The following ERBB2 variants were observed in gnomAD, a reference collection of about 807,000 sequenced individuals.
The protein encoded by ERBB2 is receptor tyrosine-protein kinase erbB-2.
ERBB2 carries 61 observed loss-of-function variants against 149.0 expected under a neutral mutation model. That is an observed-to-expected ratio of 0.41 (90% CI 0.33 to 0.51). The LOEUF (loss-of-function observed/expected upper bound fraction) is 0.51, where lower values mean the gene tolerates loss of function less well. ERBB2 is among the 20% of genes least tolerant of loss of function. The probability of loss-of-function intolerance (pLI) is 0.25; values close to 1 mark genes in which losing one functional copy is unlikely to be tolerated. For synonymous variants in ERBB2, 633 were observed against 678.8 expected (o/e 0.93, Z 1.05); for missense variants, 1,205 against 1,655.1 (o/e 0.73, Z 4.72).
chr17:39,710,119 G>T lies in ERBB2; in HGVS notation c.677G>T (p.Arg226Leu). 1 of 1,610,004 alleles carries T rather than the reference G, an allele frequency of 6.2e-7. No individual in the cohort carries two copies. The change falls in exon 6 of 27, where the codon CGC becomes CTC. Residue 226 changes from arginine to leucine, a missense_variant. By Grantham distance (102) the Arg-to-Leu change is moderately radical. Around this residue, in one of 6 missense-constraint regions of ERBB2, gnomAD observed 569 missense variants for 803.5 expected, o/e 0.71. Transcript: ENST00000269571. ...TRTVCAGGCA[R>L]CKGPLPTDCC... ...ACTGTCTGTGCCGGTGGCTGTGCCC[G>T]CTGCAAGGGGCCACTGCCCACTGAC...
rs2143078407 is a variant in ERBB2, at chr17:39,725,849, C to T, written c.2868C>T (p.Val956=). The change falls in exon 23 of 27, where the codon GTC becomes GTT. Residue 956 remains valine (V), a synonymous_variant. Coordinates refer to ENST00000269571, the MANE Select transcript of ERBB2 (RefSeq NM_004448.4). This position sits in a 1 kb window ranked among gnomAD's most constrained non-coding sequence, Gnocchi z 4.6. Reference sequence around the variant, plus strand: ...CCATTGATGTCTACATGATCATGGTCAAATGTGCGTGGCTGAGCTGTGCTG... The same window carrying T: ...CCATTGATGTCTACATGATCATGGTTAAATGTGCGTGGCTGAGCTGTGCTG... ...ICTIDVYMIM[V]KCWMIDSECR... is the part of the protein sequence containing the mutation. 6.2e-7 allele frequency: 1 copy of T among 1,613,508 alleles called. No homozygotes were observed. Among genetic ancestry groups the T allele is most frequent in the South Asian group, 1.1e-5 (1 of 90,914 alleles).
rs749371173 is a variant in ERBB2 at position 39,728,543 on chromosome 17, T to G, written c.*499T>G. 54 of 234,474 alleles carry G rather than the reference T, an allele frequency of 2.3e-4. No homozygotes were observed. Among genetic ancestry groups the G allele is most frequent in the Non-Finnish European group, 3.8e-4 (45 of 118,944 alleles). The allele number at this position is 234,474 out of a possible 1,614,324, so 14.5% of individuals were successfully genotyped here. On this transcript the variant is annotated 3_prime_UTR_variant, in exon 27 of 27. Coordinates refer to ENST00000269571, the MANE Select transcript of ERBB2 (RefSeq NM_004448.4). ...TTAGTTTTTACTTTTTTTGTTTTGT[T>G]TTTTTAAAGATGAAATAAAGACCCA... is the stretch of plus-strand genomic sequence containing the variant.
chr17:39,720,754 C>T (rs1287413020), intron 16 of ERBB2, among the ~76,000 whole-genome samples: 2 of 151,964 alleles, frequency 1.3e-5, no homozygotes, highest in Non-Finnish European at 2.9e-5. Flanking sequence ...GGTTCAAGCG[C>T]TTCTTGTGCC....
upstream of ERBB2, among the ~76,000 whole-genome samples, chr17:39,698,164 A>G (rs1017714600): frequency 1.3e-5 from 2 of 152,098 alleles, no homozygotes; most frequent in Non-Finnish European, 2.9e-5. Context: ...ACCCCAGCAT[A>G]GTATGTCAGA....
At chr17:39,714,249 A>G (rs2058987414) in intron 9 of ERBB2, among the ~76,000 whole-genome samples, 1 of 152,024 alleles carries the variant, frequency 6.6e-6, no homozygotes, top group Non-Finnish European at 1.5e-5. Flanking sequence ...ACATATAGGG[A>G]GCACTGTCTG....
chr17:39,703,968 A>C (rs1156502381), intron 1 of ERBB2, among the ~76,000 whole-genome samples: 1 of 152,184 alleles, frequency 6.6e-6, no homozygotes, highest in Non-Finnish European at 1.5e-5. Flanking sequence ...GAGAGAACCC[A>C]CCTGAGAGAA....
At chr17:39,690,267 G>T (rs1462459384), upstream of ERBB2, among the ~76,000 whole-genome samples, 1 of 151,902 alleles carries the variant, frequency 6.6e-6, no homozygotes, top group Admixed American at 6.6e-5. Flanking sequence ...TTAATTTTTT[G>T]TAGAGACACG....
chr17:39,722,639 A>C (rs777837353), intron 16 of ERBB2, among the ~76,000 whole-genome samples: 10 of 152,270 alleles, frequency 6.6e-5, no homozygotes, highest in South Asian at 2.1e-4. Flanking sequence ...AGGTGTCTTA[A>C]ATGCATTTTC....
At chr17:39,717,208 A>G in intron 14 of ERBB2, 112 bp from the exon 15 acceptor site, 1 of 854,550 alleles carries the variant, frequency 1.2e-6, no homozygotes, top group Non-Finnish European at 1.7e-6. Context: ...CATGGCGAAA[A>G]TTGCTGCTGG....
upstream of ERBB2, among the ~76,000 whole-genome samples, chr17:39,693,800 A>G (rs1409411523): frequency 6.8e-6 from 1 of 148,004 alleles, no homozygotes; most frequent in African/African-American, 2.5e-5. Context: ...AATAATAATA[A>G]TAATAGGGCT....
At chr17:39,698,051 A>G (rs2057907053), upstream of ERBB2, among the ~76,000 whole-genome samples, 1 of 152,150 alleles carries the variant, frequency 6.6e-6, no homozygotes, top group Non-Finnish European at 1.5e-5. Flanking sequence ...AGGCCCCACA[A>G]AACCTAGATC....
Position 39,726,266 on chromosome 17 carries a change from A to C in ERBB2, c.2873-296A>C. 1 of 460,680 alleles carries C rather than the reference A, an allele frequency of 2.2e-6. No individual in the cohort carries two copies. Among genetic ancestry groups the C allele is most frequent in the Non-Finnish European group, 3.9e-6 (1 of 254,092 alleles). The allele number at this position is 460,680 out of a possible 1,614,324, so 28.5% of individuals were successfully genotyped here. On this transcript the variant is annotated intron_variant, in intron 23 of 26. Coordinates refer to ENST00000269571, the MANE Select transcript of ERBB2 (RefSeq NM_004448.4). This position sits in a 1 kb window ranked among gnomAD's most constrained non-coding sequence, Gnocchi z 5.1. ...CAGGAAGATCACTTGAGCCTAGTTT[A>C]AGGTTGCAGTAAGCTATGATTGCAC...
At chr17:39,698,338 C>A (rs139346565), upstream of ERBB2, among the ~76,000 whole-genome samples, 1,249 of 151,770 alleles carry the variant, frequency 8.2e-3, 9 homozygotes, top group African/African-American at 0.026. Flanking sequence ...CAGCTCACTG[C>A]AAGCTCTGCC....
At chr17:39,707,354 T>TC (rs1555614062) in intron 2 of ERBB2, 1 of 433,614 alleles carries the variant, frequency 2.3e-6, no homozygotes, top group Non-Finnish European at 4.0e-6. Context: ...AGGTCATGTC[T>TC]GGATGGGATG....
chr17:39,694,226 A>AATAT (rs1417710622), upstream of ERBB2, among the ~76,000 whole-genome samples: 214 of 18,460 alleles, frequency 0.012, 2 homozygotes, highest in Middle Eastern at 0.062. Flanking sequence ...AAAAAAAAAA[A>AATAT]ATATATATAT....
chr17:39,716,664 G>C (rs911410272), intron 14 of ERBB2, 59 bp downstream of exon 14: 2 of 1,464,798 alleles, frequency 1.4e-6, no homozygotes, highest in African/African-American at 2.8e-5. Flanking sequence ...GATTGCCAGG[G>C]ACTTGGCAGG....
At chr17:39,697,338 GTTGTTTTTTTGTT>G (rs1402296966), upstream of ERBB2, among the ~76,000 whole-genome samples, 42 of 148,666 alleles carry the variant, frequency 2.8e-4, no homozygotes, top group Non-Finnish European at 5.0e-4. Context: ...ATGTGCTAGG[GTTGTTTTTTTGTT>G]TTGTTTTTTT....
At chr17:39,724,938 T>A (rs1427546750) in intron 20 of ERBB2, 27 bp downstream of exon 20, 1 of 1,610,194 alleles carries the variant, frequency 6.2e-7, no homozygotes, top group Non-Finnish European at 8.5e-7. Context: ...TTTGCAGGTC[T>A]CTCCGGAGCA....
chr17:39,709,416 GCT>G lies in ERBB2; in HGVS notation c.542_543del (p.Leu181HisfsTer19). 4 of 1,613,944 alleles carry G rather than the reference GCT, an allele frequency of 2.5e-6. No individual in the cohort carries two copies. The highest frequency in any genetic ancestry group is 3.4e-6 in the Non-Finnish European group (4 of 1,179,920). ...CATCTTCCACAAGAACAACCAGCTG[GCT>G]CTCACACTGATAGACACCAACCGCT... ...KDIFHKNNQL[A>X]LTLIDTNRSR... On this transcript the variant is annotated frameshift_variant, in exon 4 of 27. Coordinates refer to ENST00000269571, the MANE Select transcript of ERBB2 (RefSeq NM_004448.4). LOFTEE classifies it high-confidence loss of function.
Sources: allele counts gnomAD v4.1 joint callset (sites outside exome capture counted in the v4.1 genomes callset), GRCh38; gene constraint gnomAD v4.1.1; regional missense constraint gnomAD v4.1.1; non-coding constraint Gnocchi (gnomAD v3.1); transcripts MANE v1.5; gene names NCBI Gene and HGNC (gene_info 2026-07-23, HGNC 2026-07-21).